The following ZC3H10 variants were observed in gnomAD, a reference collection of about 807,000 sequenced individuals.
ZC3H10 encodes the protein zinc finger CCCH-type containing 10.
Under a neutral mutation model 24.3 loss-of-function variants are expected in ZC3H10, and 12 were observed. The ratio of observed to expected loss-of-function variants is 0.49; its 90% CI spans 0.32 to 0.80. The LOEUF (loss-of-function observed/expected upper bound fraction) is 0.80. Among genes scored for constraint, ZC3H10 ranks in the 30% least tolerant of loss-of-function variants. The pLI is 0.04. For synonymous variants in ZC3H10, 226 were observed against 217.0 expected, an observed-to-expected ratio of 1.04 and a Z score of -0.36; for missense variants, 360 against 576.3, an observed-to-expected ratio of 0.62 and a Z score of 3.84.
chr12:56,121,507 T>G lies in ZC3H10; in HGVS notation c.945T>G (p.Thr315=), dbSNP rs1416897722. The stretch of plus-strand genomic sequence containing the variant: ...ATGGCATTGCCCAGACTCACACTAC[T>G]CTCAGCAGCCAGGCTCTACAGCCTC... The part of the protein sequence containing the change: ...FNHGIAQTHT[T]LSSQALQPRP... Residue 315 remains threonine (T), a synonymous_variant, in exon 3 of 3, where the codon ACT becomes ACG. Coordinates refer to ENST00000257940, the MANE Select transcript of ZC3H10 (RefSeq NM_032786.3). This position sits in a 1 kb window ranked among gnomAD's most constrained non-coding sequence, Gnocchi z 6.2. 2 of 1,613,616 alleles carry G rather than the reference T, an allele frequency of 1.2e-6. No homozygotes were observed. The highest frequency in any genetic ancestry group is 4.5e-5 in the East Asian group (2 of 44,878).
Position 56,123,806 on chromosome 12 carries a change from C to T in ZC3H10, c.*1939C>T, listed in dbSNP as rs999555076. The T allele has an allele frequency of 6.6e-6, 1 of 152,144 alleles. No individual in the cohort carries two copies. The highest frequency in any genetic ancestry group is 1.5e-5 in the Non-Finnish European group (1 of 68,038). The allele number at this position is 152,144 out of a possible 1,614,324, so 9.4% of individuals were successfully genotyped here. On this transcript the variant is annotated 3_prime_UTR_variant, in exon 3 of 3. Coordinates refer to ENST00000257940, the MANE Select transcript of ZC3H10 (RefSeq NM_032786.3). Reference sequence around the variant, plus strand: ...GAATTCTCAGTCAAATCCTGACTGACTTTATTTCCTCCTTGCCAGGTTATC... The same window carrying T: ...GAATTCTCAGTCAAATCCTGACTGATTTTATTTCCTCCTTGCCAGGTTATC...
rs150454183 is a variant in ZC3H10 at position 56,126,804 on chromosome 12, A to G, written c.*4937A>G. The G allele has an allele frequency of 2.0e-5, 3 of 152,362 alleles. No homozygotes were observed. The highest frequency in any genetic ancestry group is 7.2e-5 in the African/African-American group (3 of 41,588). The allele number at this position is 152,362 out of a possible 1,614,324, so 9.4% of individuals were successfully genotyped here. Reference sequence around the variant, plus strand: ...TTTCTTAAATAGTTCTGCAAACTGAATGAAGCAGTCAAGATACTGCTAGCC... The same window carrying G: ...TTTCTTAAATAGTTCTGCAAACTGAGTGAAGCAGTCAAGATACTGCTAGCC... On this transcript the variant is annotated 3_prime_UTR_variant, in exon 3 of 3. Transcript: ENST00000257940.
rs1869800573 is a variant in ZC3H10, at chr12:56,121,036, C to T, written c.474C>T (p.His158=). ...CQRGAKCKFR[H]LQRDFEFDAR... ...GAGGAGCCAAGTGCAAGTTCCGTCA[C>T]CTGCAACGGGATTTTGAGTTTGATG... is the stretch of plus-strand genomic sequence containing the variant. The change falls in exon 3 of 3, where the codon CAC becomes CAT. Residue 158 remains histidine (H), a synonymous_variant. Transcript: ENST00000257940. This position sits in a 1 kb window ranked among gnomAD's most constrained non-coding sequence, Gnocchi z 6.2. The T allele has an allele frequency of 2.5e-6, 4 of 1,614,170 alleles. No individual in the cohort carries two copies. Among genetic ancestry groups the T allele is most frequent in the South Asian group, 1.1e-5 (1 of 91,080 alleles).
At chr12:56,118,751 G>A (rs1869716227) in intron 1 of ZC3H10, 1 of 152,232 alleles carries the variant, frequency 6.6e-6, no homozygotes, top group Non-Finnish European at 1.5e-5. Flanking sequence ...TGCACTGTCA[G>A]ACGCTGCCTT....
intron 2 of ZC3H10, chr12:56,120,297 C>T (rs1001552584): frequency 2.2e-5 from 22 of 985,346 alleles, no homozygotes; most frequent in Non-Finnish European, 2.4e-5. Flanking sequence ...ATCCCTCCTC[C>T]GTTAGCCAGG....
At chr12:56,118,706 C>T (rs1158537581) in intron 1 of ZC3H10, 1 of 152,246 alleles carries the variant, frequency 6.6e-6, no homozygotes, top group Non-Finnish European at 1.5e-5. Context: ...GGAAGCGTCA[C>T]AATCACTGCC....
Position 56,124,352 on chromosome 12 carries a change from GCTACCTGTGAGCACCAGGTC to G in ZC3H10, c.*2486_*2505del, listed in dbSNP as rs770404864. 6.6e-6 allele frequency: 1 copy of G among 152,182 alleles called. No individual in the cohort carries two copies. The highest frequency in any genetic ancestry group is 1.5e-5 in the Non-Finnish European group (1 of 68,042). 9.4% of individuals were successfully genotyped at this position (152,182 alleles called of 1,614,324 possible). ...TGTTTGTGTCCAAGAGAACTCATTG[GCTACCTGTGAGCACCAGGTC>G]AGCCCTAACAGCTCTGAAGCCTGGC... On this transcript the variant is annotated 3_prime_UTR_variant, in exon 3 of 3. Coordinates refer to ENST00000257940, the MANE Select transcript of ZC3H10 (RefSeq NM_032786.3).
At position 56,121,575 on chromosome 12, in the gene ZC3H10, C is replaced by T; in HGVS notation, c.1013C>T (p.Pro338Leu). ...QQELVAPAGA[P>L]AAPPTNAAPP... ...GAACTGGTGGCCCCTGCTGGAGCTC[C>T]AGCTGCTCCCCCAACTAATGCTGCA... The change falls in exon 3 of 3, where the codon CCA becomes CTA. Residue 338 changes from proline (P) to leucine (L), a missense_variant. Physicochemically the swap from Pro to Leu is moderately conservative, Grantham distance 98. This residue lies in a region of ZC3H10 where 133 missense variants were observed against 256.7 expected (regional missense o/e 0.52). Transcript: ENST00000257940. The surrounding 1 kb of genome is among the most constrained non-coding windows in gnomAD (Gnocchi z 6.2). The T allele has an allele frequency of 6.2e-7, 1 of 1,614,082 alleles. No individual in the cohort carries two copies. The highest frequency in any genetic ancestry group is 8.5e-7 in the Non-Finnish European group (1 of 1,179,984).
chr12:56,122,098 G>C lies in ZC3H10; in HGVS notation c.*231G>C, dbSNP rs1869864521. The C allele has an allele frequency of 1.7e-6, 1 of 582,774 alleles. No homozygotes were observed. The highest frequency in any genetic ancestry group is 3.3e-5 in the Admixed American group (1 of 30,500). 36.1% of individuals were successfully genotyped at this position (582,774 alleles called of 1,614,324 possible). On this transcript the variant is annotated 3_prime_UTR_variant, in exon 3 of 3. Coordinates refer to ENST00000257940, the MANE Select transcript of ZC3H10 (RefSeq NM_032786.3). Reference sequence around the variant, plus strand: ...AAGCCTCACAGTGGGGGCTTGCAGAGGAGTGCAGACTGAAGCCAGCAGAGA... The same window carrying C: ...AAGCCTCACAGTGGGGGCTTGCAGACGAGTGCAGACTGAAGCCAGCAGAGA...
In ZC3H10 at chr12:56,125,133, G is replaced by A. The variant is rs544189335; in HGVS notation, c.*3266G>A. The A allele has an allele frequency of 1.3e-5, 2 of 151,898 alleles. No individual in the cohort carries two copies. Among genetic ancestry groups the A allele is most frequent in the Admixed American group, 1.3e-4 (2 of 15,252 alleles). The allele number at this position is 151,898 out of a possible 1,614,324, so 9.4% of individuals were successfully genotyped here. On this transcript the variant is annotated 3_prime_UTR_variant, in exon 3 of 3. Transcript: ENST00000257940. Reference sequence around the variant, plus strand: ...AGAAAAAAAAGGCTGGCAAGAGAAAGCTTCAAATAGAAGTCTTCAAATATT... The same window carrying A: ...AGAAAAAAAAGGCTGGCAAGAGAAAACTTCAAATAGAAGTCTTCAAATATT...
In ZC3H10 at chr12:56,126,907, T is replaced by TA. The variant is rs764571373; in HGVS notation, c.*5043dup. 6.6e-6 allele frequency: 1 copy of TA among 152,176 alleles called. No individual in the cohort carries two copies. The highest frequency in any genetic ancestry group is 2.4e-5 in the African/African-American group (1 of 41,440). The allele number at this position is 152,176 out of a possible 1,614,324, so 9.4% of individuals were successfully genotyped here. A position where few individuals can be genotyped will look rare whatever the true frequency, so the allele number is the denominator to read the frequency against. ...AGGGACAGGTTTTAAGCAGCTTTGG[T>TA]AAACACAGGCTGATGAAATCTATGC... On this transcript the variant is annotated 3_prime_UTR_variant, in exon 3 of 3. Coordinates refer to ENST00000257940, the MANE Select transcript of ZC3H10 (RefSeq NM_032786.3).
chr12:56,119,457 G>A (rs957808874), intron 2 of ZC3H10: 1 of 152,218 alleles, frequency 6.6e-6, no homozygotes, highest in African/African-American at 2.4e-5. Context: ...GTGGGGGTAG[G>A]TCAAGGCCAA....
intron 1 of ZC3H10, 83 bp from the exon 2 acceptor site, chr12:56,119,005 G>C (rs1025011039): frequency 1.3e-5 from 2 of 152,662 alleles, no homozygotes; most frequent in Non-Finnish European, 2.9e-5. Flanking sequence ...TTGCCGTTTT[G>C]TCAGATTTCT....
chr12:56,125,785 AT>A lies in ZC3H10; in HGVS notation c.*3936del, dbSNP rs11354732. On this transcript the variant is annotated 3_prime_UTR_variant, in exon 3 of 3. Transcript: ENST00000257940. The stretch of plus-strand genomic sequence containing the variant: ...ACAAAGCGATCACTACTTGGCAGTA[AT>A]TTTTTTTTTTTTTTTTTGAGACGGA... The A allele has an allele frequency of 0.34, 46,390 of 135,850 alleles. 8,544 individuals are homozygous for A. Among genetic ancestry groups the A allele is most frequent in the East Asian group, 0.58 (2,687 of 4,602 alleles). The allele number at this position is 135,850 out of a possible 1,614,324, so 8.4% of individuals were successfully genotyped here. A position where few individuals can be genotyped will look rare whatever the true frequency, so the allele number is the denominator to read the frequency against.
Position 56,124,653 on chromosome 12 carries a change from A to G in ZC3H10, c.*2786A>G, listed in dbSNP as rs1045427665. On this transcript the variant is annotated 3_prime_UTR_variant, in exon 3 of 3. Transcript: ENST00000257940. ...GTGATAAGCCCAAGGGCTATGTTTT[A>G]TTGTAAAAAGAAAAAACCCAACTCG... The G allele has an allele frequency of 6.6e-6, 1 of 152,228 alleles. No individual in the cohort carries two copies. The highest frequency in any genetic ancestry group is 1.5e-5 in the Non-Finnish European group (1 of 68,030). 9.4% of individuals were successfully genotyped at this position (152,228 alleles called of 1,614,324 possible).
At position 56,126,271 on chromosome 12, in the gene ZC3H10, A is replaced by AG. The variant is rs1869990023; in HGVS notation, c.*4406dup. 1 of 152,218 alleles carries AG rather than the reference A, an allele frequency of 6.6e-6. No homozygotes were observed. The highest frequency in any genetic ancestry group is 2.1e-4 in the South Asian group (1 of 4,834). 9.4% of individuals were successfully genotyped at this position (152,218 alleles called of 1,614,324 possible). ...GGAAGTTTACTCTCTCTCCTCCTGT[A>AG]GGCCTCATCCTGTAAGACACTTCCT... On this transcript the variant is annotated 3_prime_UTR_variant, in exon 3 of 3. Transcript: ENST00000257940.
Position 56,121,935 on chromosome 12 carries a change from C to T in ZC3H10, c.*68C>T. 1 of 1,479,544 alleles carries T rather than the reference C, an allele frequency of 6.8e-7. No individual in the cohort carries two copies. Among genetic ancestry groups the T allele is most frequent in the Non-Finnish European group, 9.0e-7 (1 of 1,105,142 alleles). The allele number at this position is 1,479,544 out of a possible 1,614,324, so 91.7% of individuals were successfully genotyped here. The stretch of plus-strand genomic sequence containing the variant: ...GGGTCAGGGGGCCCTTGCCCACTCA[C>T]CTAGCCTTCCCCATCCCTGTCTGAA... On this transcript the variant is annotated 3_prime_UTR_variant, in exon 3 of 3. Transcript: ENST00000257940. The surrounding 1 kb of genome is among the most constrained non-coding windows in gnomAD (Gnocchi z 6.2).
rs746656058 is a variant in ZC3H10, at chr12:56,119,113, G to C, written c.-91G>C. On this transcript the variant is annotated 5_prime_UTR_variant, in exon 2 of 3. Transcript: ENST00000257940. ...AACCCAGCAGTGATGTGGAGGTGGA[G>C]ACCCACAGGAGCCCCGGACTTCACC... 6 of 152,654 alleles carry C rather than the reference G, an allele frequency of 3.9e-5. No individual in the cohort carries two copies. The highest frequency in any genetic ancestry group is 8.8e-5 in the Non-Finnish European group (6 of 68,094). 9.5% of individuals were successfully genotyped at this position (152,654 alleles called of 1,614,324 possible). A position where few individuals can be genotyped will look rare whatever the true frequency, so the allele number is the denominator to read the frequency against.
rs1869884720 is a variant in ZC3H10, at chr12:56,122,760, C to T, written c.*893C>T. On this transcript the variant is annotated 3_prime_UTR_variant, in exon 3 of 3. Coordinates refer to ENST00000257940, the MANE Select transcript of ZC3H10 (RefSeq NM_032786.3). ...TGGTCTCTGTCTGTATGTGCTATTC[C>T]CAGGTTGCCTCAGTAACCAGGGCTC... 1 of 152,214 alleles carries T rather than the reference C, an allele frequency of 6.6e-6. No homozygotes were observed. Among genetic ancestry groups the T allele is most frequent in the Admixed American group, 6.5e-5 (1 of 15,282 alleles). The allele number at this position is 152,214 out of a possible 1,614,324, so 9.4% of individuals were successfully genotyped here.
Sources: gnomAD v4.1 joint callset for allele counts on GRCh38, gnomAD v4.1.1 for gene constraint, gnomAD v4.1.1 regional missense constraint, Gnocchi (gnomAD v3.1) non-coding constraint, MANE v1.5 for transcripts, NCBI Gene and HGNC (gene_info 2026-07-23, HGNC 2026-07-21) for gene names.